Variants in CLDN14 observed in about 807,000 individuals in gnomAD.
CLDN14 encodes claudin 14.
In CLDN14, 2 loss-of-function variants were observed where a neutral mutation model predicts 2.1. The observed-to-expected ratio is 0.96, with a 90% CI of 0.39 to 3.01. The LOEUF (loss-of-function observed/expected upper bound fraction) is 3.01. CLDN14 is among the 30% of genes most tolerant of loss of function. CLDN14 has a pLI of 0.09. For synonymous variants in CLDN14, 136 were observed against 154.4 expected (o/e 0.88, Z 0.88); for missense variants, 298 against 328.0 (o/e 0.91, Z 0.71).
chr21:36,573,300 C>CA lies in CLDN14; in HGVS notation c.-220+3110dup, dbSNP rs373406611. ...TGGGTGACAGAGCAAGACTCTGTCT[C>CA]AAAAAAAAAAAAAAAAGAATTGGAG... On this transcript the variant is annotated intron_variant, in intron 1 of 2. Transcript: ENST00000342108. 7.0e-3 allele frequency among the ~76,000 whole-genome samples: 758 copies of CA among 109,008 alleles called. 16 individuals are homozygous for CA. Among genetic ancestry groups the CA allele is most frequent in the South Asian group, 0.01 (33 of 3,160 alleles). The allele number at this position is 109,008 out of a possible 152,430, so 71.5% of individuals were successfully genotyped here. A position where few individuals can be genotyped will look rare whatever the true frequency, so the allele number is the denominator to read the frequency against.
chr21:36,554,083 A>G (rs2087581688), intron 1 of CLDN14, among the ~76,000 whole-genome samples: 1 of 152,066 alleles, frequency 6.6e-6, no homozygotes, highest in Admixed American at 6.5e-5. Flanking sequence ...GCCCAAGTCC[A>G]TGCCTCTGTC....
intron 1 of CLDN14, among the ~76,000 whole-genome samples, chr21:36,555,806 AGTGTGTGTGTGTGTGTGTGT>A (rs142473999): frequency 2.8e-3 from 399 of 143,440 alleles, no homozygotes; most frequent in Non-Finnish European, 4.3e-3. Context: ...TCTATAGGTC[AGTGTGTGTGTGTGTGTGTGT>A]GTGTGTGTGT....
chr21:36,554,344 G>A (rs1045924014), intron 1 of CLDN14, among the ~76,000 whole-genome samples: 6 of 152,154 alleles, frequency 3.9e-5, no homozygotes, highest in East Asian at 1.9e-4. Flanking sequence ...GGTCCCTGGC[G>A]CTCCAGGAAC....
intron 1 of CLDN14, among the ~76,000 whole-genome samples, chr21:36,516,626 A>T (rs2087230867): frequency 6.6e-6 from 1 of 152,238 alleles, no homozygotes; most frequent in Non-Finnish European, 1.5e-5. Flanking sequence ...GGTTTCCATC[A>T]GATTTGAATT....
At chr21:36,481,550 G>A (rs1217055709), upstream of CLDN14, among the ~76,000 whole-genome samples, 3 of 152,232 alleles carry the variant, frequency 2.0e-5, no homozygotes, top group South Asian at 2.1e-4. Context: ...GAGAGAAAAT[G>A]TAAACTCCAA....
chr21:36,540,125 GGT>G (rs35491523), intron 1 of CLDN14, among the ~76,000 whole-genome samples: 1 of 151,322 alleles, frequency 6.6e-6, no homozygotes, highest in Admixed American at 6.6e-5. Flanking sequence ...TGTGGTGTGT[GGT>G]GTGTGTGTGT....
intron 2 of CLDN14, among the ~76,000 whole-genome samples, chr21:36,488,296 A>G (rs1047389745): frequency 2.1e-5 from 2 of 94,566 alleles, no homozygotes; most frequent in African/African-American, 4.3e-5. Context: ...TTTTTGAGAC[A>G]GAGTCTCACT....
chr21:36,507,115 G>A (rs1481609931), intron 2 of CLDN14, among the ~76,000 whole-genome samples: 2 of 143,524 alleles, frequency 1.4e-5, no homozygotes, highest in Non-Finnish European at 3.0e-5. Flanking sequence ...AGAATGAGAT[G>A]CTCCCTCTTA....
chr21:36,555,227 A>G (rs2087590471), intron 1 of CLDN14, among the ~76,000 whole-genome samples: 1 of 152,196 alleles, frequency 6.6e-6, no homozygotes, highest in African/African-American at 2.4e-5. Flanking sequence ...GTGCATGAGG[A>G]GGGGTTTCAA....
intron 1 of CLDN14, among the ~76,000 whole-genome samples, chr21:36,565,736 A>G (rs1601639349): frequency 1.3e-5 from 2 of 152,166 alleles, no homozygotes; most frequent in East Asian, 3.9e-4. Context: ...CCCCTACCAT[A>G]AATAGTGCTG....
chr21:36,565,183 C>T (rs775697048), intron 1 of CLDN14, among the ~76,000 whole-genome samples: 25 of 152,214 alleles, frequency 1.6e-4, no homozygotes, highest in Admixed American at 2.6e-4. Context: ...TCATTCACCT[C>T]ATGGCATGTC....
At chr21:36,489,130 AAATAT>A (rs1228266416) in intron 2 of CLDN14, among the ~76,000 whole-genome samples, 26 of 97,636 alleles carry the variant, frequency 2.7e-4, no homozygotes, top group Non-Finnish European at 5.1e-4. Flanking sequence ...AAAAAAAAAA[AAATAT>A]ATATATATAT....
chr21:36,486,504 C>G, intron 2 of CLDN14: 1 of 1,563,770 alleles, frequency 6.4e-7, no homozygotes, highest in Non-Finnish European at 8.8e-7. Flanking sequence ...TCACTGGCAC[C>G]GAGACCCAGC....
chr21:36,483,442 G>C (rs553829834), upstream of CLDN14, among the ~76,000 whole-genome samples: 18 of 152,356 alleles, frequency 1.2e-4, no homozygotes, highest in African/African-American at 4.3e-4. Flanking sequence ...GCCTCAGAAA[G>C]TTCCTGACCC....
chr21:36,499,466 T>C lies in CLDN14; in HGVS notation c.-82+10897A>G, dbSNP rs1265122284. Among the ~76,000 whole-genome samples, 6 of 152,200 alleles carry C rather than the reference T, an allele frequency of 3.9e-5. No individual in the cohort carries two copies. The highest frequency in any genetic ancestry group is 3.3e-4 in the Admixed American group (5 of 15,268). ...TTATGAATGGAGGATTGAGTGCATT[T>C]AGGCTATTAGTAGAAAGTGATCAAG... On this transcript the variant is annotated intron_variant, in intron 2 of 2. Transcript: ENST00000342108. This position sits in a 1 kb window ranked among gnomAD's most constrained non-coding sequence, Gnocchi z 4.7.
At chr21:36,515,327 G>C (rs1420887182) in intron 1 of CLDN14, among the ~76,000 whole-genome samples, 4 of 152,110 alleles carry the variant, frequency 2.6e-5, no homozygotes, top group Admixed American at 6.6e-5. Flanking sequence ...TGGGTGAATG[G>C]ATAAATCAAA....
intron 1 of CLDN14, among the ~76,000 whole-genome samples, chr21:36,465,680 C>T (rs1333593756): frequency 6.6e-6 from 1 of 152,224 alleles, no homozygotes; most frequent in East Asian, 1.9e-4. Flanking sequence ...GGAACTAGCC[C>T]AAGCCTGGCC....
At chr21:36,466,042 C>T (rs1257655119) in intron 1 of CLDN14, among the ~76,000 whole-genome samples, 1 of 152,174 alleles carries the variant, frequency 6.6e-6, no homozygotes, top group Non-Finnish European at 1.5e-5. Context: ...TGCAGGATGT[C>T]TTGTGTGGAG....
intron 1 of CLDN14, among the ~76,000 whole-genome samples, chr21:36,550,189 C>T (rs909398135): frequency 1.1e-4 from 17 of 152,176 alleles, no homozygotes; most frequent in East Asian, 3.9e-4. Context: ...ACACAACCTA[C>T]GTTTAAATTT....
Sources: allele counts gnomAD v4.1 joint callset (sites outside exome capture counted in the v4.1 genomes callset), GRCh38; gene constraint gnomAD v4.1.1; non-coding constraint Gnocchi (gnomAD v3.1); transcripts MANE v1.5; gene names NCBI Gene and HGNC (gene_info 2026-07-23, HGNC 2026-07-21).